The following CTIF variants were observed in gnomAD, a reference collection of about 807,000 sequenced individuals.
CTIF encodes CBP80/20-dependent translation initiation factor.
In CTIF, 21 loss-of-function variants were observed where a neutral mutation model predicts 66.0. The observed-to-expected ratio is 0.32, with a 90% confidence interval of 0.23 to 0.46. The LOEUF is 0.46. CTIF is among the 20% of genes least tolerant of loss of function. The pLI is 1.00. For missense variants in CTIF, 739 were observed against 812.7 expected, an observed-to-expected ratio of 0.91 and a Z score of 1.10; for synonymous variants, 345 against 326.4, an observed-to-expected ratio of 1.06 and a Z score of -0.62.
In CTIF at chr18:48,847,034, A is replaced by G. The variant is rs112863052; in HGVS notation, c.1528-10554A>G. Among the ~76,000 whole-genome samples the G allele has an allele frequency of 3.5e-3, 533 of 152,178 alleles. 7 individuals carry two copies. The highest frequency in any genetic ancestry group is 0.012 in the African/African-American group (484 of 41,520). On this transcript the variant is annotated intron_variant, in intron 10 of 11. Transcript: ENST00000256413. ...ATTAAAAATTATGAGCTCCAGCCGG[A>G]CATGGTGGCTCACACCTGTAATACC...
At chr18:48,850,234 G>T (rs1182837205) in intron 10 of CTIF, among the ~76,000 whole-genome samples, 1 of 152,148 alleles carries the variant, frequency 6.6e-6, no homozygotes, top group African/African-American at 2.4e-5. Flanking sequence ...CCCCTTGTAT[G>T]GATTTACCAC....
chr18:48,753,790 C>T (rs1261627112), intron 7 of CTIF, among the ~76,000 whole-genome samples: 1 of 152,198 alleles, frequency 6.6e-6, no homozygotes, highest in African/African-American at 2.4e-5. Flanking sequence ...TGTTTCCCAA[C>T]CCAGGACCCA....
intron 1 of CTIF, among the ~76,000 whole-genome samples, chr18:48,617,048 T>C (rs954145419): frequency 2.0e-5 from 3 of 152,254 alleles, no homozygotes; most frequent in Admixed American, 6.5e-5. Context: ...GTCAAGTTGT[T>C]AGCCAAGTTG....
In CTIF at chr18:48,640,971, A is replaced by G. The variant is rs534559566; in HGVS notation, c.252+4286A>G. 7.2e-4 allele frequency among the ~76,000 whole-genome samples: 110 copies of G among 152,366 alleles called. 1 individual carries two copies. Among genetic ancestry groups the G allele is most frequent in the African/African-American group, 2.5e-3 (102 of 41,586 alleles). ...GAGTGTAGAGCATAAAAAGGGCTACAGATAGTTCAGAAGAGGCTGACCAGC... is the reference window on the plus strand; with the variant it reads ...GAGTGTAGAGCATAAAAAGGGCTACGGATAGTTCAGAAGAGGCTGACCAGC... On this transcript the variant is annotated intron_variant, in intron 3 of 11. Transcript: ENST00000256413.
rs1304906067 is a variant in CTIF at position 48,861,841 on chromosome 18, T to TGAA, written c.*2290_*2292dup. 1.3e-5 allele frequency: 2 copies of TGAA among 152,152 alleles called. No homozygotes were observed. The highest frequency in any genetic ancestry group is 4.8e-5 in the African/African-American group (2 of 41,434). 9.4% of individuals were successfully genotyped at this position (152,152 alleles called of 1,614,324 possible). ...CCCATTGGCTGTTAGGACCAGAGTG[T>TGAA]GAAGAAGAAGTGAAATATAAATATG... On this transcript the variant is annotated 3_prime_UTR_variant, in exon 12 of 12. Transcript: ENST00000256413.
chr18:48,726,755 A>G (rs969353134), intron 7 of CTIF, among the ~76,000 whole-genome samples: 2 of 152,178 alleles, frequency 1.3e-5, no homozygotes, highest in Non-Finnish European at 2.9e-5. Flanking sequence ...TGTTGGTCAC[A>G]TAGACTAACC....
At chr18:48,712,937 G>T (rs2092242840) in intron 7 of CTIF, among the ~76,000 whole-genome samples, 1 of 152,256 alleles carries the variant, frequency 6.6e-6, no homozygotes, top group African/African-American at 2.4e-5. Flanking sequence ...TTGGGAAGAA[G>T]GCAGTGTCCT....
intron 9 of CTIF, among the ~76,000 whole-genome samples, chr18:48,806,554 T>C (rs2068151418): frequency 6.6e-6 from 1 of 152,162 alleles, no homozygotes; most frequent in Non-Finnish European, 1.5e-5. Flanking sequence ...TTTGCAGCGA[T>C]TGGTAGGGGC....
chr18:48,753,675 G>A (rs915196942), intron 7 of CTIF, among the ~76,000 whole-genome samples: 4 of 152,030 alleles, frequency 2.6e-5, no homozygotes, highest in Non-Finnish European at 4.4e-5. Flanking sequence ...CTTATCTCCT[G>A]TGCTGTTCTT....
At chr18:48,670,896 T>TGCC (rs2091523007) in intron 6 of CTIF, 152 bp downstream of exon 6, 3 of 637,108 alleles carry the variant, frequency 4.7e-6, no homozygotes, top group Non-Finnish European at 8.3e-6. Flanking sequence ...CAGGGCTGGC[T>TGCC]ACCTGCCATT....
intron 1 of CTIF, among the ~76,000 whole-genome samples, chr18:48,612,064 C>G (rs944058839): frequency 6.6e-6 from 1 of 152,236 alleles, no homozygotes; most frequent in Non-Finnish European, 1.5e-5. Context: ...TCTGAACTTT[C>G]CCATTTCCCA....
chr18:48,619,275 T>C (rs764961498), intron 1 of CTIF, among the ~76,000 whole-genome samples: 3 of 152,244 alleles, frequency 2.0e-5, no homozygotes, highest in Non-Finnish European at 2.9e-5. Context: ...ACTCTGACAC[T>C]GCACAGTGCC....
chr18:48,746,950 C>A (rs1289958212), intron 7 of CTIF, among the ~76,000 whole-genome samples: 1 of 152,172 alleles, frequency 6.6e-6, no homozygotes, highest in East Asian at 1.9e-4. Flanking sequence ...CGAGAACTCA[C>A]CAGACCCCAT....
chr18:48,854,518 C>T (rs1005322193), intron 10 of CTIF, among the ~76,000 whole-genome samples: 3 of 152,310 alleles, frequency 2.0e-5, no homozygotes, highest in South Asian at 2.1e-4. Flanking sequence ...AGGCCTGACC[C>T]GTCTTGCTCT....
intron 7 of CTIF, among the ~76,000 whole-genome samples, chr18:48,731,345 G>T (rs962803121): frequency 6.6e-6 from 1 of 152,194 alleles, no homozygotes; most frequent in Admixed American, 6.5e-5. Context: ...CATTATGATG[G>T]TCAATTCAGG....
chr18:48,747,424 G>C (rs1390602375), intron 7 of CTIF, among the ~76,000 whole-genome samples: 1 of 152,234 alleles, frequency 6.6e-6, no homozygotes, highest in Non-Finnish European at 1.5e-5. Flanking sequence ...CGCTGGGCAG[G>C]GGAAGGGCCT....
At chr18:48,844,045 G>A (rs1221909360) in intron 10 of CTIF, among the ~76,000 whole-genome samples, 2 of 152,228 alleles carry the variant, frequency 1.3e-5, no homozygotes, top group Admixed American at 6.5e-5. Context: ...TAAGCCAGGT[G>A]AGCATGAGGA....
intron 1 of CTIF, among the ~76,000 whole-genome samples, chr18:48,548,442 C>T (rs1156675055): frequency 2.0e-5 from 3 of 152,214 alleles, no homozygotes; most frequent in Non-Finnish European, 2.9e-5. Flanking sequence ...TATCTGTCTC[C>T]GGTATCTACC....
intron 10 of CTIF, among the ~76,000 whole-genome samples, chr18:48,819,322 C>G (rs73433408): frequency 5.9e-5 from 9 of 152,158 alleles, no homozygotes; most frequent in Non-Finnish European, 1.2e-4. Flanking sequence ...GCCTGCGTGG[C>G]CTCTTGGGTC....
Sources: gnomAD v4.1 joint callset for allele counts (sites outside exome capture counted in the v4.1 genomes callset) on GRCh38, gnomAD v4.1.1 for gene constraint, MANE v1.5 for transcripts, NCBI Gene and HGNC (gene_info 2026-07-23, HGNC 2026-07-21) for gene names.